The following FBLN2 variants were observed in gnomAD, a reference collection of about 807,000 sequenced individuals.
FBLN2 encodes the protein fibulin 2, also known as fibulin-2.
A neutral mutation model predicts 123.7 loss-of-function variants in FBLN2; 81 were observed. The observed-to-expected ratio is 0.65, with a 90% CI of 0.55 to 0.79. The LOEUF (loss-of-function observed/expected upper bound fraction) is 0.79. Ranked by LOEUF, FBLN2 falls within the 30% of genes least tolerant of loss-of-function variation. FBLN2 has a pLI of 0.00. For synonymous variants in FBLN2, 699 were observed against 701.4 expected, an observed-to-expected ratio of 1.00 and a Z score of 0.05; for missense variants, 1,603 against 1,681.3, an observed-to-expected ratio of 0.95 and a Z score of 0.81.
chr3:13,584,045 G>T (rs1482306760), intron 2 of FBLN2, among the ~76,000 whole-genome samples: 1 of 152,210 alleles, frequency 6.6e-6, no homozygotes, highest in South Asian at 2.1e-4. Flanking sequence ...GAAAGTGGGG[G>T]CCGTGGGGAC....
intron 2 of FBLN2, among the ~76,000 whole-genome samples, chr3:13,573,809 A>G (rs1014520437): frequency 6.0e-5 from 9 of 150,026 alleles, no homozygotes; most frequent in Non-Finnish European, 1.3e-4. Context: ...CGGCTGAGGC[A>G]GGAGAATCAC....
rs192550910 is a variant in FBLN2 at position 13,606,015 on chromosome 3, C to A, written c.1307-2047C>A. On this transcript the variant is annotated intron_variant, in intron 2 of 17. Transcript: ENST00000404922. ...TCAGCTCACTGCAACCTCCAACCCCCCTCCCCATCCCTGGGCTCAAGCCAT... is the reference window on the plus strand; with the variant it reads ...TCAGCTCACTGCAACCTCCAACCCCACTCCCCATCCCTGGGCTCAAGCCAT... 1.9e-3 allele frequency among the ~76,000 whole-genome samples: 293 copies of A among 152,222 alleles called. 1 individual carries two copies. Among genetic ancestry groups the A allele is most frequent in the Admixed American group, 5.2e-3 (79 of 15,292 alleles).
chr3:13,619,489 C>T lies in FBLN2; in HGVS notation c.2054-241C>T, dbSNP rs571451944. Among the ~76,000 whole-genome samples, 28 of 152,280 alleles carry T rather than the reference C, an allele frequency of 1.8e-4. 1 individual carries two copies. In the South Asian group the frequency reaches 5.2e-3, roughly 28 times the overall value. On this transcript the variant is annotated intron_variant, in intron 7 of 17. Transcript: ENST00000404922. ...GTCACGCAAGGCATGGGCTGGGATC[C>T]GAGTGGTGGGGGAGGTAGACCCAGA...
intron 8 of FBLN2, 43 bp from the exon 9 acceptor site, chr3:13,621,732 C>A: frequency 6.2e-7 from 1 of 1,609,570 alleles, no homozygotes. Flanking sequence ...AGCCCATGTC[C>A]CTCTAACAGT....
intron 2 of FBLN2, among the ~76,000 whole-genome samples, chr3:13,603,544 T>C (rs531182013): frequency 9.9e-5 from 15 of 152,174 alleles, no homozygotes; most frequent in Non-Finnish European, 1.8e-4. Context: ...GCTTCATCCA[T>C]GTCCCTACAA....
At chr3:13,607,050 C>T (rs145522694) in intron 2 of FBLN2, among the ~76,000 whole-genome samples, 1 of 150,180 alleles carries the variant, frequency 6.7e-6, no homozygotes, top group South Asian at 2.1e-4. Flanking sequence ...TGCAGTGGCA[C>T]AATCTCGGCT....
At chr3:13,572,240 T>A (rs1172820312) in intron 2 of FBLN2, among the ~76,000 whole-genome samples, 1 of 152,222 alleles carries the variant, frequency 6.6e-6, no homozygotes, top group Non-Finnish European at 1.5e-5. Context: ...GGTGGGCCAT[T>A]TGAGCAGGGG....
At chr3:13,590,351 A>G (rs1049655564) in intron 2 of FBLN2, among the ~76,000 whole-genome samples, 3 of 151,756 alleles carry the variant, frequency 2.0e-5, no homozygotes, top group Admixed American at 1.3e-4. Flanking sequence ...ATCGAGACAG[A>G]GTCTCACTCT....
intron 2 of FBLN2, among the ~76,000 whole-genome samples, chr3:13,582,370 G>A (rs1344317892): frequency 6.6e-6 from 1 of 151,752 alleles, no homozygotes; most frequent in Non-Finnish European, 1.5e-5. Flanking sequence ...TTTCCCTGCG[G>A]GCAATGTCGG....
At chr3:13,569,151 C>A in intron 1 of FBLN2, 2 of 675,052 alleles carry the variant, frequency 3.0e-6, no homozygotes, top group Non-Finnish European at 3.7e-6. Flanking sequence ...AGGGAGGAGG[C>A]ATGAGGACTG....
In FBLN2 at chr3:13,635,395, CA is replaced by C. The variant is rs1188705651; in HGVS notation, c.3215-1049del. On this transcript the variant is annotated intron_variant, in intron 16 of 17. Coordinates refer to ENST00000404922, the MANE Select transcript of FBLN2 (RefSeq NM_001004019.2). Reference sequence around the variant, plus strand: ...TGGGTTACACACACACACACACACACACACCCACACACACCCCTACCCCACC... The same window carrying C: ...TGGGTTACACACACACACACACACACCACCCACACACACCCCTACCCCACC... 7.2e-5 allele frequency among the ~76,000 whole-genome samples: 11 copies of C among 152,128 alleles called. No homozygotes were observed. In the South Asian group the frequency reaches 8.3e-4, roughly 11 times the overall value.
intron 16 of FBLN2, among the ~76,000 whole-genome samples, chr3:13,632,115 G>C (rs1287321953): frequency 6.6e-6 from 1 of 152,200 alleles, no homozygotes; most frequent in Non-Finnish European, 1.5e-5. Context: ...TCCTCTGCTA[G>C]AGAGTCGTAC....
intron 2 of FBLN2, among the ~76,000 whole-genome samples, chr3:13,600,937 A>G (rs1294341852): frequency 2.6e-5 from 4 of 152,206 alleles, no homozygotes; most frequent in African/African-American, 9.6e-5. Flanking sequence ...TTTATGGGGC[A>G]GGTACATGTG....
chr3:13,613,423 A>G (rs946288240), intron 4 of FBLN2, among the ~76,000 whole-genome samples: 4 of 152,238 alleles, frequency 2.6e-5, no homozygotes, highest in African/African-American at 2.4e-5. Context: ...GCTAGCGTAG[A>G]TCTACATCTT....
intron 2 of FBLN2, 24 bp from the exon 3 acceptor site, chr3:13,608,038 T>A: frequency 2.6e-6 from 4 of 1,548,712 alleles, no homozygotes; most frequent in Non-Finnish European, 3.5e-6. Context: ...GAATGGTGAC[T>A]CTGCCTCATG....
intron 1 of FBLN2, among the ~76,000 whole-genome samples, chr3:13,570,104 G>A (rs182137899): frequency 5.0e-4 from 76 of 152,248 alleles, no homozygotes; most frequent in Admixed American, 1.8e-3. Context: ...CACCTGTGGC[G>A]CCCAGCGACT....
chr3:13,605,211 G>A (rs1377083571), intron 2 of FBLN2, among the ~76,000 whole-genome samples: 2 of 152,078 alleles, frequency 1.3e-5, no homozygotes, highest in African/African-American at 4.8e-5. Flanking sequence ...CAAACGCTTG[G>A]GTTAATTACA....
At chr3:13,620,709 T>C (rs1705819634) in intron 8 of FBLN2, among the ~76,000 whole-genome samples, 1 of 152,036 alleles carries the variant, frequency 6.6e-6, no homozygotes, top group African/African-American at 2.4e-5. Context: ...GTCTAGGAAG[T>C]ATGGCAGTTC....
chr3:13,587,119 G>A (rs1279473765), intron 2 of FBLN2, among the ~76,000 whole-genome samples: 2 of 148,520 alleles, frequency 1.3e-5, no homozygotes, highest in Non-Finnish European at 3.0e-5. Flanking sequence ...CATTCCAGCC[G>A]GGGTGACACA....
Sources: allele counts gnomAD v4.1 joint callset (sites outside exome capture counted in the v4.1 genomes callset), GRCh38; gene constraint gnomAD v4.1.1; transcripts MANE v1.5; gene names NCBI Gene and HGNC (gene_info 2026-07-23, HGNC 2026-07-21).